The following ARHGAP32 variants were observed in gnomAD, a reference collection of about 807,000 sequenced individuals.
ARHGAP32 encodes rho GTPase-activating protein 32.
A neutral mutation model predicts 186.5 loss-of-function variants in ARHGAP32; 51 were observed. The observed-to-expected ratio is 0.27, with a 90% confidence interval of 0.22 to 0.35. The LOEUF (loss-of-function observed/expected upper bound fraction) is 0.35, where lower values mean the gene tolerates loss of function less well. ARHGAP32 is among the 10% of genes least tolerant of loss of function. The pLI, the probability that ARHGAP32 is intolerant of heterozygous loss-of-function variation, is 1.00. For synonymous variants in ARHGAP32, 950 were observed against 964.3 expected (o/e 0.99, Z 0.27); for missense variants, 2,186 against 2,623.5 (o/e 0.83, Z 3.64).
intron 1 of ARHGAP32, among the ~76,000 whole-genome samples, chr11:129,269,113 A>G (rs1181683948): frequency 1.3e-5 from 2 of 151,910 alleles, no homozygotes; most frequent in African/African-American, 2.4e-5. Flanking sequence ...TCTATTTAAA[A>G]ATACAAAAAT....
chr11:129,001,879 A>G (rs908794927), intron 11 of ARHGAP32, among the ~76,000 whole-genome samples: 1 of 152,110 alleles, frequency 6.6e-6, no homozygotes, highest in African/African-American at 2.4e-5. Context: ...TATTTCCCCA[A>G]TGTATGCTCT....
intron 7 of ARHGAP32, 48 bp downstream of exon 7, chr11:129,066,683 A>G: frequency 1.3e-6 from 2 of 1,536,434 alleles, no homozygotes; most frequent in Non-Finnish European, 1.8e-6. Flanking sequence ...AACTTCTGCA[A>G]ACTCATATAT....
At chr11:129,229,282 A>G (rs1341754852) in intron 1 of ARHGAP32, among the ~76,000 whole-genome samples, 5 of 152,190 alleles carry the variant, frequency 3.3e-5, no homozygotes, top group African/African-American at 1.2e-4. Context: ...AGAAAACCAA[A>G]GGGAATTTGT....
At chr11:128,994,098 T>C (rs571611056) in intron 12 of ARHGAP32, among the ~76,000 whole-genome samples, 2 of 152,200 alleles carry the variant, frequency 1.3e-5, no homozygotes, top group South Asian at 2.1e-4. Context: ...TAAAATTGAA[T>C]TGATATTTGA....
At chr11:129,032,125 A>C (rs1156718937) in intron 11 of ARHGAP32, among the ~76,000 whole-genome samples, 1 of 152,234 alleles carries the variant, frequency 6.6e-6, no homozygotes, top group Non-Finnish European at 1.5e-5. Context: ...ACTTGGATAC[A>C]AGTGCAAGAG....
At chr11:129,149,192 C>G (rs769569571) in intron 2 of ARHGAP32, among the ~76,000 whole-genome samples, 8 of 152,122 alleles carry the variant, frequency 5.3e-5, no homozygotes, top group Non-Finnish European at 1.2e-4. Flanking sequence ...TCTACTTGGG[C>G]CATAACAGCA....
intron 11 of ARHGAP32, among the ~76,000 whole-genome samples, chr11:129,017,266 C>T (rs1221152876): frequency 7.9e-5 from 12 of 151,940 alleles, no homozygotes; most frequent in East Asian, 1.9e-4. Context: ...CCAGCCTGGC[C>T]AACATGGCGA....
chr11:129,115,148 C>CA (rs1460911739), intron 5 of ARHGAP32, among the ~76,000 whole-genome samples: 3 of 151,980 alleles, frequency 2.0e-5, no homozygotes, highest in Non-Finnish European at 4.4e-5. Context: ...CGTGGAGACA[C>CA]AAAAAAATGA....
rs775080294 is a variant in ARHGAP32, at chr11:128,988,133, G to T, written c.1196-8C>A. The T allele has an allele frequency of 6.9e-6, 11 of 1,602,898 alleles. No homozygotes were observed. The South Asian group carries it at 1.0e-4, about 15-fold the overall frequency. On this transcript the variant is annotated splice_polypyrimidine_tract_variant and splice_region_variant and intron_variant, in intron 12 of 22. Transcript: ENST00000682385. Reference sequence around the variant, plus strand: ...TTTGAAGAACCTGCGGCACTAAAGAGAATTTGTAAAGAAACAGATGAAATT... The same window carrying T: ...TTTGAAGAACCTGCGGCACTAAAGATAATTTGTAAAGAAACAGATGAAATT...
chr11:129,128,288 G>C (rs1303706783), intron 2 of ARHGAP32, among the ~76,000 whole-genome samples: 1 of 152,048 alleles, frequency 6.6e-6, no homozygotes, highest in Admixed American at 6.5e-5. Flanking sequence ...TCTAATAAAA[G>C]ACTTTTCCAT....
intron 18 of ARHGAP32, 143 bp from the exon 19 acceptor site, chr11:128,979,058 C>G: frequency 1.5e-6 from 1 of 679,898 alleles, no homozygotes; most frequent in South Asian, 2.0e-5. Context: ...ACCTTCCAGA[C>G]AGCACACTCT....
At chr11:129,030,067 T>G (rs1365541800) in intron 11 of ARHGAP32, among the ~76,000 whole-genome samples, 1 of 152,186 alleles carries the variant, frequency 6.6e-6, no homozygotes, top group Non-Finnish European at 1.5e-5. Context: ...CACTTTAGCA[T>G]TTTAGTACTC....
chr11:129,136,728 AT>A, intron 2 of ARHGAP32, among the ~76,000 whole-genome samples: 1 of 152,112 alleles, frequency 6.6e-6, no homozygotes, highest in East Asian at 1.9e-4. Context: ...TAAAATTAAA[AT>A]GAGGAAAAAG....
chr11:129,019,255 T>C (rs575684955), intron 11 of ARHGAP32, among the ~76,000 whole-genome samples: 10 of 151,940 alleles, frequency 6.6e-5, no homozygotes, highest in East Asian at 1.9e-4. Context: ...CTAACCCAGA[T>C]AGTCAACAAA....
intron 2 of ARHGAP32, among the ~76,000 whole-genome samples, chr11:129,155,341 GA>G (rs1482714075): frequency 6.6e-6 from 1 of 152,190 alleles, no homozygotes; most frequent in Non-Finnish European, 1.5e-5. Flanking sequence ...GGTGGACTTT[GA>G]GTGTCATACT....
chr11:129,185,879 A>T (rs1483124385), intron 1 of ARHGAP32, among the ~76,000 whole-genome samples: 4 of 152,132 alleles, frequency 2.6e-5, no homozygotes, highest in African/African-American at 4.8e-5. Flanking sequence ...AAATAGAGAA[A>T]ATACATGTAT....
chr11:129,161,263 A>C (rs570881072), intron 2 of ARHGAP32, among the ~76,000 whole-genome samples: 1 of 152,318 alleles, frequency 6.6e-6, no homozygotes, highest in South Asian at 2.1e-4. Flanking sequence ...TCATGACTAA[A>C]ACACCAAAAG....
intron 1 of ARHGAP32, among the ~76,000 whole-genome samples, chr11:129,185,000 G>A (rs1212171328): frequency 1.3e-5 from 2 of 152,160 alleles, no homozygotes; most frequent in African/African-American, 4.8e-5. Flanking sequence ...ACACACTGTT[G>A]GTGGGACTGT....
intron 1 of ARHGAP32, among the ~76,000 whole-genome samples, chr11:129,165,604 G>A (rs1005367103): frequency 2.7e-5 from 4 of 148,454 alleles, no homozygotes; most frequent in Non-Finnish European, 4.5e-5. Context: ...ACAAGAACTA[G>A]TGAAAATTGA....
Sources: allele counts gnomAD v4.1 joint callset (sites outside exome capture counted in the v4.1 genomes callset), GRCh38; gene constraint gnomAD v4.1.1; transcripts MANE v1.5; gene names NCBI Gene and HGNC (gene_info 2026-07-23, HGNC 2026-07-21).